The following ADAMTSL1 variants were observed in gnomAD, a reference collection of about 807,000 sequenced individuals.
ADAMTSL1 encodes ADAMTS like 1, also known as ADAMTS-like protein 1.
Under a neutral mutation model 201.8 loss-of-function variants are expected in ADAMTSL1, and 126 were observed. The observed-to-expected ratio is 0.62, with a 90% CI of 0.54 to 0.72. The LOEUF (loss-of-function observed/expected upper bound fraction) is 0.72. ADAMTSL1 is among the 30% of genes least tolerant of loss of function. The pLI, the probability that ADAMTSL1 is intolerant of heterozygous loss-of-function variation, is 0.00. For missense variants in ADAMTSL1, 2,679 were observed against 2,277.8 expected, an observed-to-expected ratio of 1.18 and a Z score of -3.59; for synonymous variants, 1,121 against 903.4, an observed-to-expected ratio of 1.24 and a Z score of -4.32.
intron 2 of ADAMTSL1, among the ~76,000 whole-genome samples, chr9:18,348,129 C>A (rs554850593): frequency 2.0e-5 from 3 of 152,296 alleles, no homozygotes; most frequent in Admixed American, 2.0e-4. Flanking sequence ...CTCACACTTA[C>A]TAATCTTTTT....
chr9:18,501,992 A>G (rs1289080461), intron 1 of ADAMTSL1, among the ~76,000 whole-genome samples: 2 of 152,240 alleles, frequency 1.3e-5, no homozygotes, highest in African/African-American at 2.4e-5. Flanking sequence ...AAGGAACTTT[A>G]GCACAGAGTT....
chr9:18,057,561 A>T (rs926101903), intron 1 of ADAMTSL1, among the ~76,000 whole-genome samples: 23 of 152,134 alleles, frequency 1.5e-4, no homozygotes, highest in African/African-American at 5.3e-4. Context: ...GAGAAATCAT[A>T]TTGGCAAATT....
At chr9:18,436,313 G>C (rs532486506) in intron 2 of ADAMTSL1, among the ~76,000 whole-genome samples, 46 of 152,266 alleles carry the variant, frequency 3.0e-4, no homozygotes, top group African/African-American at 1.0e-3. Flanking sequence ...TCTATGGTCA[G>C]TGTCAGAGAA....
chr9:18,568,817 C>T (rs1822106160), intron 3 of ADAMTSL1, among the ~76,000 whole-genome samples: 1 of 148,174 alleles, frequency 6.7e-6, no homozygotes. Flanking sequence ...AATATTGATT[C>T]TACACATAAA....
intron 2 of ADAMTSL1, among the ~76,000 whole-genome samples, chr9:18,438,375 C>T (rs10963607): frequency 6.2e-4 from 95 of 152,248 alleles, no homozygotes; most frequent in Non-Finnish European, 1.1e-3. Context: ...GTAGGGAGCT[C>T]GCCTTTTGAT....
chr9:18,605,692 T>G (rs1824966089), intron 4 of ADAMTSL1, among the ~76,000 whole-genome samples: 1 of 152,224 alleles, frequency 6.6e-6, no homozygotes, highest in South Asian at 2.1e-4. Flanking sequence ...TTGAACACTT[T>G]TGGTGCTAAA....
chr9:18,538,367 G>C (rs967369542), intron 3 of ADAMTSL1, among the ~76,000 whole-genome samples: 4 of 149,094 alleles, frequency 2.7e-5, no homozygotes, highest in Non-Finnish European at 5.9e-5. Context: ...AGAACAGAAT[G>C]ATCATGGCAA....
At chr9:18,567,336 C>G (rs947611894) in intron 3 of ADAMTSL1, among the ~76,000 whole-genome samples, 3 of 152,012 alleles carry the variant, frequency 2.0e-5, no homozygotes, top group African/African-American at 7.2e-5. Context: ...TATGGTGGCA[C>G]ACACCTGTAA....
At chr9:18,199,908 A>G (rs1276619819) in intron 2 of ADAMTSL1, among the ~76,000 whole-genome samples, 1 of 151,918 alleles carries the variant, frequency 6.6e-6, no homozygotes, top group East Asian at 1.9e-4. Context: ...TTCCTGTTAG[A>G]TTTGTTATCT....
intron 23 of ADAMTSL1, among the ~76,000 whole-genome samples, chr9:18,842,970 G>A (rs1825829744): frequency 6.6e-6 from 1 of 152,024 alleles, no homozygotes; most frequent in African/African-American, 2.4e-5. Context: ...CACACTGATG[G>A]GTCTTGACTC....
intron 7 of ADAMTSL1, among the ~76,000 whole-genome samples, chr9:18,642,192 C>A (rs1030348180): frequency 2.6e-5 from 4 of 151,858 alleles, no homozygotes; most frequent in African/African-American, 9.7e-5. Context: ...TATCCAACAG[C>A]TATCTGAAGA....
chr9:18,458,517 C>A (rs145103369), intron 2 of ADAMTSL1, among the ~76,000 whole-genome samples: 3 of 152,176 alleles, frequency 2.0e-5, no homozygotes, highest in Non-Finnish European at 2.9e-5. Flanking sequence ...TTTGCCCTAA[C>A]CTTCCATAGA....
rs187112565 is a variant in ADAMTSL1 at position 18,639,689 on chromosome 9, A to C, written c.834+278A>C. ...CCACCTAAGAGGCCAATGTATCATA[A>C]GTTGGTGGCTATAGATTGTTTTTAA... On this transcript the variant is annotated intron_variant, in intron 7 of 28. Transcript: ENST00000380548. Among the ~76,000 whole-genome samples the C allele has an allele frequency of 1.8e-4, 27 of 152,270 alleles. No homozygotes were observed. In the East Asian group the frequency reaches 4.8e-3, roughly 27 times the overall value.
intron 23 of ADAMTSL1, among the ~76,000 whole-genome samples, chr9:18,878,519 G>C (rs1044023016): frequency 2.0e-5 from 3 of 152,180 alleles, no homozygotes; most frequent in African/African-American, 7.2e-5. Flanking sequence ...ATTAATCTCA[G>C]CTCCTGGTAA....
intron 1 of ADAMTSL1, among the ~76,000 whole-genome samples, chr9:18,043,062 G>A (rs550541893): frequency 2.6e-5 from 4 of 152,130 alleles, no homozygotes; most frequent in African/African-American, 2.4e-5. Flanking sequence ...ACATTTACAC[G>A]CTAGAAAACT....
At chr9:18,581,781 A>T (rs1823112361) in intron 4 of ADAMTSL1, among the ~76,000 whole-genome samples, 1 of 152,206 alleles carries the variant, frequency 6.6e-6, no homozygotes, top group Non-Finnish European at 1.5e-5. Flanking sequence ...AGCAGGAAAA[A>T]AATCCACTAG....
intron 16 of ADAMTSL1, among the ~76,000 whole-genome samples, chr9:18,770,237 A>G (rs560892630): frequency 6.6e-6 from 1 of 152,340 alleles, no homozygotes; most frequent in African/African-American, 2.4e-5. Context: ...TTCTGGAAGC[A>G]GCACAGATTA....
At chr9:18,243,793 A>G (rs766589471) in intron 2 of ADAMTSL1, among the ~76,000 whole-genome samples, 8 of 149,920 alleles carry the variant, frequency 5.3e-5, no homozygotes, top group African/African-American at 1.9e-4. Context: ...TTTTCTTCCT[A>G]AATTATCCAC....
intron 2 of ADAMTSL1, among the ~76,000 whole-genome samples, chr9:18,524,131 A>G (rs199966907): frequency 5.3e-5 from 8 of 151,580 alleles, no homozygotes; most frequent in African/African-American, 7.3e-5. Context: ...GCAGTGGTTT[A>G]TAGTTCTCCT....
Sources: allele counts gnomAD v4.1 joint callset (sites outside exome capture counted in the v4.1 genomes callset), GRCh38; gene constraint gnomAD v4.1.1; transcripts MANE v1.5; gene names NCBI Gene and HGNC (gene_info 2026-07-23, HGNC 2026-07-21).